The following AFAP1L1 variants were observed in gnomAD, a reference collection of about 807,000 sequenced individuals.
AFAP1L1 encodes actin filament associated protein 1 like 1.
AFAP1L1 carries 77 observed loss-of-function variants against 99.8 expected under a neutral mutation model. That is an observed-to-expected ratio of 0.77 (90% confidence interval 0.64 to 0.93). The LOEUF (loss-of-function observed/expected upper bound fraction) is 0.93, where lower values mean the gene tolerates loss of function less well. Ranked by LOEUF, AFAP1L1 falls within the 40% of genes least tolerant of loss-of-function variation. The pLI is 0.00. For missense variants in AFAP1L1, 893 were observed against 996.8 expected (o/e 0.90, Z 1.40); for synonymous variants, 373 against 395.3 (o/e 0.94, Z 0.67).
chr5:149,316,504 AC>A (rs972153320), intron 11 of AFAP1L1, among the ~76,000 whole-genome samples: 36 of 152,276 alleles, frequency 2.4e-4, no homozygotes, highest in African/African-American at 8.7e-4. Context: ...CTGACACTCA[AC>A]GAAAGGAAAA....
chr5:149,294,672 T>G (rs1388739820), intron 1 of AFAP1L1, among the ~76,000 whole-genome samples: 1 of 152,190 alleles, frequency 6.6e-6, no homozygotes, highest in Non-Finnish European at 1.5e-5. Context: ...GGAGAGGGCC[T>G]TCACGCAGGA....
chr5:149,306,986 C>A (rs1227806377), intron 6 of AFAP1L1, among the ~76,000 whole-genome samples: 1 of 152,174 alleles, frequency 6.6e-6, no homozygotes, highest in Admixed American at 6.5e-5. Context: ...GTGGCTCACA[C>A]CTGTAATCCC....
intron 4 of AFAP1L1, among the ~76,000 whole-genome samples, chr5:149,301,953 T>A (rs540750479): frequency 1.3e-5 from 2 of 152,362 alleles, no homozygotes; most frequent in South Asian, 4.1e-4. Flanking sequence ...ATGACCCATG[T>A]CCCACAACTC....
At chr5:149,282,268 A>G (rs1255270312) in intron 1 of AFAP1L1, among the ~76,000 whole-genome samples, 2 of 152,210 alleles carry the variant, frequency 1.3e-5, no homozygotes, top group African/African-American at 4.8e-5. Context: ...GGCTTTTTAT[A>G]GCCCTCTAAG....
chr5:149,299,687 A>G (rs1054423112), intron 2 of AFAP1L1, 50 bp downstream of exon 2: 1 of 1,611,254 alleles, frequency 6.2e-7, no homozygotes, highest in African/African-American at 1.3e-5. Flanking sequence ...GTAGGACAAC[A>G]AAACCTCCCT....
rs1757217153 is a variant in AFAP1L1, at chr5:149,330,210, A to G, written c.1975+380A>G. Among the ~76,000 whole-genome samples, 4 of 152,204 alleles carry G rather than the reference A, an allele frequency of 2.6e-5. No individual in the cohort carries two copies. The South Asian group carries it at 8.3e-4, about 31-fold the overall frequency. On this transcript the variant is annotated intron_variant, in intron 16 of 18. Transcript: ENST00000296721. ...ATTCATTCACAGATATATGTGAGAC[A>G]TTGGTCCTAGTGCAGGGAATAATGG... is the stretch of plus-strand genomic sequence containing the variant.
chr5:149,336,100 G>A (rs1456692982), intron 18 of AFAP1L1, among the ~76,000 whole-genome samples: 2 of 152,030 alleles, frequency 1.3e-5, no homozygotes. Flanking sequence ...CTAAGTCCAT[G>A]GCTCCCTCCA....
In AFAP1L1 at chr5:149,300,234, T is replaced by C. The variant is rs201806180; in HGVS notation, c.146-37T>C. The C allele has an allele frequency of 1.9e-3, 2,866 of 1,536,962 alleles. 4 individuals are homozygous for C. Among genetic ancestry groups the C allele is most frequent in the Non-Finnish European group, 2.4e-3 (2,649 of 1,117,604 alleles). ...GGGACGGGGGAGACCTGGTCCCTCC[T>C]CCTTCACAGCTGGCATGTCCCCCTT... On this transcript the variant is annotated intron_variant, in intron 2 of 18. Transcript: ENST00000296721.
chr5:149,293,438 T>G (rs1755922094), intron 1 of AFAP1L1, among the ~76,000 whole-genome samples: 4 of 152,228 alleles, frequency 2.6e-5, no homozygotes, highest in Non-Finnish European at 5.9e-5. Context: ...CACAAAATAC[T>G]TTTTCCCCCA....
At chr5:149,285,412 T>C (rs1216124056) in intron 1 of AFAP1L1, among the ~76,000 whole-genome samples, 2 of 152,222 alleles carry the variant, frequency 1.3e-5, no homozygotes, top group Non-Finnish European at 2.9e-5. Context: ...ATACATTGTC[T>C]CCCTTTCTTC....
At chr5:149,299,451 C>T in intron 1 of AFAP1L1, 58 bp from the exon 2 acceptor site, 1 of 1,598,994 alleles carries the variant, frequency 6.3e-7, no homozygotes, top group Non-Finnish European at 8.5e-7. Flanking sequence ...GGCCGAACTC[C>T]CGGGCACAGA....
At chr5:149,296,347 A>T (rs2127593041) in intron 1 of AFAP1L1, among the ~76,000 whole-genome samples, 1 of 152,360 alleles carries the variant, frequency 6.6e-6, no homozygotes, top group African/African-American at 2.4e-5. Flanking sequence ...TAATTTTTAA[A>T]AGTATAAAAA....
In AFAP1L1 at chr5:149,322,609, G is replaced by C; in HGVS notation, c.1702G>C (p.Glu568Gln). ...DDVPYEKMQDEEPERPTGAQV... is the reference protein window; with the variant it reads ...DDVPYEKMQDQEPERPTGAQV... ...GTCTTCCTCCATCTCCCACCAGGAC[G>C]AGGAGCCCGAGCGCCCCACAGGGGC... The change falls in exon 15 of 19, where the codon GAG becomes CAG. Residue 568 changes from glutamate to glutamine, a missense_variant. Coordinates refer to ENST00000296721, the MANE Select transcript of AFAP1L1 (RefSeq NM_152406.4). 6.4e-7 allele frequency: 1 copy of C among 1,570,502 alleles called. No individual in the cohort carries two copies.
Position 149,302,535 on chromosome 5 carries a change from T to C in AFAP1L1, c.436+9T>C. 6.4e-7 allele frequency: 1 copy of C among 1,564,754 alleles called. No individual in the cohort carries two copies. Among genetic ancestry groups the C allele is most frequent in the Non-Finnish European group, 8.7e-7 (1 of 1,153,490 alleles). On this transcript the variant is annotated intron_variant, in intron 5 of 18. Coordinates refer to ENST00000296721, the MANE Select transcript of AFAP1L1 (RefSeq NM_152406.4). ...GTACATCAGCTCCCACAGTAAGTTC[T>C]GGTCCTCTTGGTGGGGCTGGGGACT...
intron 14 of AFAP1L1, among the ~76,000 whole-genome samples, chr5:149,321,588 G>A (rs1002336125): frequency 6.6e-6 from 1 of 150,914 alleles, no homozygotes; most frequent in African/African-American, 2.4e-5. Context: ...AATTAGCCAG[G>A]CACAGTGGCA....
rs756332624 is a variant in AFAP1L1, at chr5:149,307,423, G to C, written c.557G>C (p.Ser186Thr). The C allele has an allele frequency of 6.2e-7, 1 of 1,614,160 alleles. No individual in the cohort carries two copies. Among genetic ancestry groups the C allele is most frequent in the Non-Finnish European group, 8.5e-7 (1 of 1,180,034 alleles). Reference protein sequence around the residue: ...KSSYNDSDAMSSSYESYDEEE... With the variant: ...KSSYNDSDAMTSSYESYDEEE... ...GCAGATAATGACTCTGACGCAATGA[G>C]CAGCTCCTATGAGTCCTACGATGAA... The change falls in exon 7 of 19, where the codon AGC (serine) becomes ACC (threonine). Residue 186 changes from serine to threonine, a missense_variant. Coordinates refer to ENST00000296721, the MANE Select transcript of AFAP1L1 (RefSeq NM_152406.4).
chr5:149,301,126 T>A lies in AFAP1L1; in HGVS notation c.230-7T>A, dbSNP rs1463976651. ...CTTTCTTTGCCCAATGGCCTGTCCC[T>A]CTGTAGACTGTGACCTGAGTGACCT... is the stretch of plus-strand genomic sequence containing the variant. On this transcript the variant is annotated splice_region_variant and splice_polypyrimidine_tract_variant and intron_variant, in intron 3 of 18. Transcript: ENST00000296721. 1.2e-6 allele frequency: 2 copies of A among 1,613,474 alleles called. No homozygotes were observed. The highest frequency in any genetic ancestry group is 1.3e-5 in the African/African-American group (1 of 74,894).
At position 149,342,807 on chromosome 5, in the gene AFAP1L1, G is replaced by T. The variant is rs1757594027; in HGVS notation, c.*2777G>T. On this transcript the variant is annotated 3_prime_UTR_variant, in exon 19 of 19. Coordinates refer to ENST00000296721, the MANE Select transcript of AFAP1L1 (RefSeq NM_152406.4). ...CATGCCGGTAGTCCCAGCTACTTGG[G>T]AGGCTGAGGGAGGAGAATCACTTGA... is the stretch of plus-strand genomic sequence containing the variant. Among the ~76,000 whole-genome samples the T allele has an allele frequency of 1.3e-5, 2 of 152,170 alleles. No individual in the cohort carries two copies. Among genetic ancestry groups the T allele is most frequent in the South Asian group, 4.1e-4 (2 of 4,832 alleles).
intron 15 of AFAP1L1, 52 bp from the exon 16 acceptor site, chr5:149,329,614 C>A: frequency 3.9e-6 from 6 of 1,534,354 alleles, no homozygotes; most frequent in Non-Finnish European, 5.2e-6. Context: ...CACACAAGTA[C>A]CTTTGCCAGA....
Sources: allele counts gnomAD v4.1 joint callset (sites outside exome capture counted in the v4.1 genomes callset), GRCh38; gene constraint gnomAD v4.1.1; transcripts MANE v1.5; gene names NCBI Gene and HGNC (gene_info 2026-07-23, HGNC 2026-07-21).